The following CHD6 variants were observed in gnomAD, a reference collection of about 807,000 sequenced individuals.
The protein encoded by CHD6 is chromodomain helicase DNA binding protein 6, also known as ATP-dependent chromatin remodeler CHD6.
CHD6 carries 50 observed loss-of-function variants against 276.9 expected under a neutral mutation model. The ratio of observed to expected loss-of-function variants is 0.18; its 90% CI spans 0.14 to 0.23. The LOEUF is 0.23. Ranked by LOEUF, CHD6 falls within the 10% of genes least tolerant of loss-of-function variation. CHD6 has a pLI of 1.00. For missense variants in CHD6, 2,564 were observed against 3,365.8 expected, an observed-to-expected ratio of 0.76 and a Z score of 5.89; for synonymous variants, 1,173 against 1,229.3, an observed-to-expected ratio of 0.95 and a Z score of 0.96.
chr20:41,525,523 C>A (rs2044510034), intron 3 of CHD6, among the ~76,000 whole-genome samples: 1 of 152,208 alleles, frequency 6.6e-6, no homozygotes, highest in South Asian at 2.1e-4. Flanking sequence ...AGTATGATCC[C>A]ACTGGACTTC....
chr20:41,470,603 T>C (rs781423201), intron 17 of CHD6, among the ~76,000 whole-genome samples: 4 of 152,208 alleles, frequency 2.6e-5, no homozygotes, highest in African/African-American at 9.7e-5. Context: ...TTAATTCATC[T>C]CTTGCCAGCT....
At chr20:41,591,421 T>C (rs1483338910) in intron 1 of CHD6, among the ~76,000 whole-genome samples, 1 of 150,488 alleles carries the variant, frequency 6.6e-6, no homozygotes, top group Non-Finnish European at 1.5e-5. Flanking sequence ...TATATATACA[T>C]ATATATATAA....
rs773645183 is a variant in CHD6 at position 41,591,350 on chromosome 20, T to TA, written c.-24+26989dup. On this transcript the variant is annotated intron_variant, in intron 1 of 36. Coordinates refer to ENST00000373233, the MANE Select transcript of CHD6 (RefSeq NM_032221.5). ...CAATGTGCACATGTACCCTAGAACT[T>TA]AAAGTATAATTTTACATATATATAT... Among the ~76,000 whole-genome samples the TA allele has an allele frequency of 8.0e-5, 12 of 149,692 alleles. No individual in the cohort carries two copies. The South Asian group carries it at 8.5e-4, about 11-fold the overall frequency.
rs368426346 is a variant in CHD6 at position 41,456,298 on chromosome 20, C to G, written c.2830-319G>C. ...TCATTGAAGATGGTACTTTTGACAT[C>G]TTTATATTTTAGTTAGAGCTTGTAT... On this transcript the variant is annotated intron_variant, in intron 18 of 36. Transcript: ENST00000373233. 5.9e-5 allele frequency among the ~76,000 whole-genome samples: 9 copies of G among 151,970 alleles called. No individual in the cohort carries two copies. In the South Asian group the frequency reaches 1.0e-3, roughly 18 times the overall value.
At chr20:41,437,391 T>C (rs2145579498) in intron 26 of CHD6, 57 bp from the exon 27 acceptor site, 1 of 1,278,458 alleles carries the variant, frequency 7.8e-7, no homozygotes, top group Middle Eastern at 1.9e-4. Flanking sequence ...TATCCACAGT[T>C]TCAGTTACCC....
Position 41,439,997 on chromosome 20 carries a change from C to T in CHD6, c.4007+3G>A. ...ATGAGGGCTGGCCTACGTGGCTTCT[C>T]ACCTTTCAGGAATGTCTGAGGTCCC... On this transcript the variant is annotated splice_donor_region_variant and intron_variant, in intron 26 of 36. Coordinates refer to ENST00000373233, the MANE Select transcript of CHD6 (RefSeq NM_032221.5). 6.2e-7 allele frequency: 1 copy of T among 1,613,814 alleles called. No homozygotes were observed. The highest frequency in any genetic ancestry group is 8.5e-7 in the Non-Finnish European group (1 of 1,179,844).
At chr20:41,574,208 T>C (rs1008641405) in intron 1 of CHD6, among the ~76,000 whole-genome samples, 12 of 152,118 alleles carry the variant, frequency 7.9e-5, no homozygotes, top group African/African-American at 2.2e-4. Context: ...CCATCTAAAA[T>C]GTAAATTTTA....
chr20:41,490,046 A>G (rs761834398), intron 11 of CHD6, 25 bp from the exon 12 acceptor site: 2 of 1,605,186 alleles, frequency 1.2e-6, no homozygotes, highest in Non-Finnish European at 1.7e-6. Context: ...AAATATAGGT[A>G]ATTCATTATC....
At chr20:41,513,739 G>A (rs2044177931) in intron 4 of CHD6, among the ~76,000 whole-genome samples, 1 of 152,086 alleles carries the variant, frequency 6.6e-6, no homozygotes, top group Admixed American at 6.5e-5. Flanking sequence ...CCATTTATCA[G>A]CCAGCTCACT....
chr20:41,406,976 T>C (rs2046696677), intron 36 of CHD6, among the ~76,000 whole-genome samples: 1 of 152,200 alleles, frequency 6.6e-6, no homozygotes, highest in Non-Finnish European at 1.5e-5. Flanking sequence ...TGCTGTTTTA[T>C]CCCCTTCCCT....
At chr20:41,416,366 T>C (rs1443090799) in intron 33 of CHD6, among the ~76,000 whole-genome samples, 3 of 152,230 alleles carry the variant, frequency 2.0e-5, no homozygotes, top group Admixed American at 6.5e-5. Flanking sequence ...CCAAGTGAGC[T>C]GCAAACCTCT....
chr20:41,488,299 A>T (rs2043467441), intron 13 of CHD6, 129 bp downstream of exon 13: 4 of 866,920 alleles, frequency 4.6e-6, no homozygotes. Flanking sequence ...GCAGTTATAG[A>T]GACCAAAAAA....
At chr20:41,592,718 A>G (rs959847274) in intron 1 of CHD6, among the ~76,000 whole-genome samples, 2 of 152,326 alleles carry the variant, frequency 1.3e-5, no homozygotes, top group Non-Finnish European at 2.9e-5. Context: ...GAAGGAACAA[A>G]AAGGCAATGG....
At chr20:41,414,234 AG>A (rs1248413840) in intron 34 of CHD6, 1 of 152,232 alleles carries the variant, frequency 6.6e-6, no homozygotes, top group Non-Finnish European at 1.5e-5. Context: ...TTAGCAGTAA[AG>A]TTCTCAGCCC....
At chr20:41,600,530 C>T (rs2045763666) in intron 1 of CHD6, among the ~76,000 whole-genome samples, 1 of 152,072 alleles carries the variant, frequency 6.6e-6, no homozygotes, top group Non-Finnish European at 1.5e-5. Flanking sequence ...CAGGTATATA[C>T]ATATCTAAAA....
chr20:41,452,190 C>G lies in CHD6; in HGVS notation c.3324-165G>C, dbSNP rs568012303. Among the ~76,000 whole-genome samples, 3 of 152,336 alleles carry G rather than the reference C, an allele frequency of 2.0e-5. No homozygotes were observed. The South Asian group carries it at 6.2e-4, about 32-fold the overall frequency. ...CGAAAGGCCTTTGAGGACCACCTGA[C>G]TGTAGCACACCGAATATCACTAAAG... On this transcript the variant is annotated intron_variant, in intron 21 of 36. Coordinates refer to ENST00000373233, the MANE Select transcript of CHD6 (RefSeq NM_032221.5). This position sits in a 1 kb window ranked among gnomAD's most constrained non-coding sequence, Gnocchi z 4.2.
Position 41,512,819 on chromosome 20 carries a change from G to A in CHD6, c.852+27C>T. ...AGGTCAAAATGACTGTCCAGCCAAG[G>A]TCAGTAACCTCATGCAAAGGCCATA... On this transcript the variant is annotated intron_variant, in intron 5 of 36. Coordinates refer to ENST00000373233, the MANE Select transcript of CHD6 (RefSeq NM_032221.5). 2.5e-6 allele frequency: 4 copies of A among 1,613,478 alleles called. No homozygotes were observed. The South Asian group carries it at 4.4e-5, about 18-fold the overall frequency.
intron 3 of CHD6, among the ~76,000 whole-genome samples, chr20:41,530,567 T>A (rs1455490191): frequency 6.6e-6 from 1 of 152,082 alleles, no homozygotes; most frequent in Non-Finnish European, 1.5e-5. Context: ...TATGTGTGTG[T>A]ATATATATAC....
intron 18 of CHD6, among the ~76,000 whole-genome samples, chr20:41,456,766 T>C (rs1393019132): frequency 6.6e-6 from 1 of 152,256 alleles, no homozygotes; most frequent in Non-Finnish European, 1.5e-5. Context: ...GCTGTAATTC[T>C]TATGCCCCCA....
Sources: gnomAD v4.1 joint callset for allele counts (sites outside exome capture counted in the v4.1 genomes callset) on GRCh38, gnomAD v4.1.1 for gene constraint, Gnocchi (gnomAD v3.1) non-coding constraint, MANE v1.5 for transcripts, NCBI Gene and HGNC (gene_info 2026-07-23, HGNC 2026-07-21) for gene names.